The following ZNF235 variants were observed in gnomAD, a reference collection of about 807,000 sequenced individuals.
ZNF235 encodes the protein zfp-93.
Under a neutral mutation model 29.4 loss-of-function variants are expected in ZNF235, and 25 were observed. That is an observed-to-expected ratio of 0.85 (90% CI 0.62 to 1.19). The LOEUF (loss-of-function observed/expected upper bound fraction) is 1.19, where lower values mean the gene tolerates loss of function less well. Ranked by LOEUF, ZNF235 falls within the 50% of genes most tolerant of loss-of-function variation. The probability of loss-of-function intolerance (pLI) is 0.00; values close to 1 mark genes in which losing one functional copy is unlikely to be tolerated. For synonymous variants in ZNF235, 300 were observed against 295.3 expected, an observed-to-expected ratio of 1.02 and a Z score of -0.16; for missense variants, 788 against 885.0, an observed-to-expected ratio of 0.89 and a Z score of 1.39.
Position 44,304,483 on chromosome 19 carries a change from C to G in ZNF235, c.-49+488G>C, listed in dbSNP as rs145088849. On this transcript the variant is annotated intron_variant, in intron 1 of 4. Transcript: ENST00000291182. Reference sequence around the variant, plus strand: ...AGGATTAGAGAAGGGACAGCGGCTCCGTAGCTGGATCTCCTAGACTCAGAG... The same window carrying G: ...AGGATTAGAGAAGGGACAGCGGCTCGGTAGCTGGATCTCCTAGACTCAGAG... 6.1e-3 allele frequency among the ~76,000 whole-genome samples: 929 copies of G among 152,288 alleles called. 13 individuals are homozygous for G. The highest frequency in any genetic ancestry group is 0.021 in the African/African-American group (864 of 41,568).
At chr19:44,301,959 G>A (rs959255808) in intron 2 of ZNF235, among the ~76,000 whole-genome samples, 2 of 152,170 alleles carry the variant, frequency 1.3e-5, no homozygotes, top group Non-Finnish European at 2.9e-5. Context: ...AGTGCTATAA[G>A]ACTTTTAAAC....
At chr19:44,303,110 CT>C (rs1975777512) in intron 2 of ZNF235, among the ~76,000 whole-genome samples, 5 of 65,380 alleles carry the variant, frequency 7.6e-5, no homozygotes, top group Admixed American at 2.1e-4. Flanking sequence ...ACGTATATTT[CT>C]TATAAATATA....
intron 1 of ZNF235, among the ~76,000 whole-genome samples, chr19:44,304,112 TC>T (rs959595223): frequency 1.2e-4 from 19 of 152,176 alleles, no homozygotes; most frequent in Admixed American, 1.2e-3. Context: ...GGTTTTTTTT[TC>T]CTCCAACAGA....
intron 4 of ZNF235, among the ~76,000 whole-genome samples, chr19:44,295,038 C>T (rs1975635486): frequency 6.6e-6 from 1 of 152,066 alleles, no homozygotes; most frequent in Non-Finnish European, 1.5e-5. Flanking sequence ...ACAAGGATTG[C>T]CCACTTTCAC....
intron 2 of ZNF235, 111 bp from the exon 3 acceptor site, chr19:44,299,843 T>C: frequency 1.3e-6 from 2 of 1,556,950 alleles, no homozygotes; most frequent in Non-Finnish European, 1.8e-6. Context: ...ACACCAAAAA[T>C]GCTAGGGGGA....
chr19:44,299,708 C>A lies in ZNF235; in HGVS notation c.40G>T (p.Ala14Ser). 6.2e-7 allele frequency: 1 copy of A among 1,614,086 alleles called. No homozygotes were observed. The highest frequency in any genetic ancestry group is 8.5e-7 in the Non-Finnish European group (1 of 1,179,968). The change falls in exon 3 of 5, where the codon GCT becomes TCT. Residue 14 changes from alanine (A) to serine (S), a missense_variant. By Grantham distance (99) the Ala-to-Ser change is moderately conservative (BLOSUM62 1). Coordinates refer to ENST00000291182, the MANE Select transcript of ZNF235 (RefSeq NM_004234.4). ...FQEAVTFKDV[A>S]VAFTEEELGL... ...AGCTCCTCCTCAGTGAAGGCCACAGCCACATCCTTGAATGTCACTGCCTCC... is the reference window on the plus strand; with the variant it reads ...AGCTCCTCCTCAGTGAAGGCCACAGACACATCCTTGAATGTCACTGCCTCC...
chr19:44,304,756 C>G, intron 1 of ZNF235: 1 of 985,478 alleles, frequency 1.0e-6, no homozygotes, highest in Non-Finnish European at 1.2e-6. Context: ...GTGAGGACGG[C>G]TAGGGCAGCA....
At position 44,294,765 on chromosome 19, in the gene ZNF235, G is replaced by A. The variant is rs77624383; in HGVS notation, c.238+4043C>T. Among the ~76,000 whole-genome samples the A allele has an allele frequency of 8.7e-3, 1,321 of 151,256 alleles. 27 individuals are homozygous for A. The highest frequency in any genetic ancestry group is 0.031 in the African/African-American group (1,258 of 41,198). ...ATGATCGAGTGGGTTTTATTCCAAG[G>A]ATGCGAGAATGGTTCAACATACACA... On this transcript the variant is annotated intron_variant, in intron 4 of 4. Coordinates refer to ENST00000291182, the MANE Select transcript of ZNF235 (RefSeq NM_004234.4).
chr19:44,292,382 CT>C (rs900718748), intron 4 of ZNF235, among the ~76,000 whole-genome samples: 1 of 151,074 alleles, frequency 6.6e-6, no homozygotes, highest in Non-Finnish European at 1.5e-5. Flanking sequence ...AGATAGGTAT[CT>C]TTTTTTTAAA....
Position 44,294,955 on chromosome 19 carries a change from A to C in ZNF235, c.238+3853T>G, listed in dbSNP as rs1975634237. Among the ~76,000 whole-genome samples, 8 of 152,342 alleles carry C rather than the reference A, an allele frequency of 5.3e-5. No individual in the cohort carries two copies. In the South Asian group the frequency reaches 1.7e-3, roughly 32 times the overall value. ...AACATATTTCAAAATAATAAAAGCC[A>C]TATATGACAACCCATAGGTAACATA... On this transcript the variant is annotated intron_variant, in intron 4 of 4. Transcript: ENST00000291182.
At position 44,298,880 on chromosome 19, in the gene ZNF235, T is replaced by A. The variant is rs921957939; in HGVS notation, c.166A>T (p.Met56Leu). The A allele has an allele frequency of 6.2e-7, 1 of 1,613,860 alleles. No individual in the cohort carries two copies. The highest frequency in any genetic ancestry group is 8.5e-7 in the Non-Finnish European group (1 of 1,179,748). Residue 56 changes from methionine (M) to leucine (L), a missense_variant, in exon 4 of 5, where the codon ATG becomes TTG. Physicochemically the swap from Met to Leu is conservative, Grantham distance 15 (BLOSUM62 2). Coordinates refer to ENST00000291182, the MANE Select transcript of ZNF235 (RefSeq NM_004234.4). ...TCTTCCCTCTCCAACTGGGATATCA[T>A]ATCTGGTTTGAAGGACTGATGTCCT... ...SVGHQSFKPD[M>L]ISQLEREEKL...
Position 44,287,907 on chromosome 19 carries a change from T to C in ZNF235, c.1528A>G (p.Thr510Ala). The change falls in exon 5 of 5, where the codon ACA (threonine) becomes GCA (alanine). Residue 510 changes from threonine (T) to alanine (A), a missense_variant. Coordinates refer to ENST00000291182, the MANE Select transcript of ZNF235 (RefSeq NM_004234.4). The stretch of plus-strand genomic sequence containing the variant: ...TTGCATCGAAATGGTTTCTCTCCTG[T>C]ATGGACCCTCTGATGGCTCTGGAAA... ...SSFQSHQRVH[T>A]GEKPFRCNVC... is the part of the protein sequence containing the mutation. 1 of 1,614,046 alleles carries C rather than the reference T, an allele frequency of 6.2e-7. No homozygotes were observed. Among genetic ancestry groups the C allele is most frequent in the Middle Eastern group, 1.7e-4 (1 of 6,060 alleles).
At position 44,287,695 on chromosome 19, in the gene ZNF235, G is replaced by GA. The variant is rs776537327; in HGVS notation, c.1739dup (p.Ser581GlnfsTer22). 4 of 1,613,978 alleles carry GA rather than the reference G, an allele frequency of 2.5e-6. No individual in the cohort carries two copies. Among genetic ancestry groups the GA allele is most frequent in the Middle Eastern group, 3.3e-4 (2 of 6,058 alleles). ...GGGCTTGAAGATTTGAAGCCTGACT[G>GA]AAACCCTTACCACACTCTTCACATT... On this transcript the variant is annotated frameshift_variant, in exon 5 of 5. Transcript: ENST00000291182. LOFTEE classifies it high-confidence loss of function.
intron 1 of ZNF235, chr19:44,304,644 G>T: frequency 1.2e-6 from 1 of 806,146 alleles, no homozygotes; most frequent in Non-Finnish European, 1.5e-6. Context: ...CACTGGGAAC[G>T]CACTAACCCT....
chr19:44,289,262 A>G (rs902496762), intron 4 of ZNF235, 66 bp from the exon 5 acceptor site: 1 of 1,390,068 alleles, frequency 7.2e-7, no homozygotes, highest in African/African-American at 1.4e-5. Flanking sequence ...TAGAGAATTA[A>G]GATCTAAGCT....
In ZNF235 at chr19:44,288,903, T is replaced by C. The variant is rs1338573010; in HGVS notation, c.532A>G (p.Lys178Glu). 1 of 1,614,028 alleles carries C rather than the reference T, an allele frequency of 6.2e-7. No homozygotes were observed. Among genetic ancestry groups the C allele is most frequent in the Non-Finnish European group, 8.5e-7 (1 of 1,179,978 alleles). ...IIENQEFPTG[K>E]VPNSWSKIYL... ...ATTTTACTCCAAGAATTCGGAACTT[T>C]CCCAGTTGGAAATTCTTGATTTTCA... The change falls in exon 5 of 5, where the codon AAA (lysine) becomes GAA (glutamate). Residue 178 changes from lysine to glutamate, a missense_variant. By Grantham distance (56) the Lys-to-Glu change is moderately conservative. Coordinates refer to ENST00000291182, the MANE Select transcript of ZNF235 (RefSeq NM_004234.4).
Position 44,288,817 on chromosome 19 carries a change from T to G in ZNF235, c.618A>C (p.Lys206Asn). 6.2e-7 allele frequency: 1 copy of G among 1,612,916 alleles called. No individual in the cohort carries two copies. The highest frequency in any genetic ancestry group is 8.5e-7 in the Non-Finnish European group (1 of 1,179,230). The change falls in exon 5 of 5, where the codon AAA (lysine) becomes AAC (asparagine). Residue 206 changes from lysine (K) to asparagine (N), a missense_variant. By Grantham distance (94) the Lys-to-Asn change is moderately conservative (BLOSUM62 0). Transcript: ENST00000291182. ...RSCKQTQMKN[K>N]LCIFAPYVDI... ...CAACATATGGAGCAAATATACATAGTTTGTTTTTCATCTGAGTCTGCTTAC... is the reference window on the plus strand; with the variant it reads ...CAACATATGGAGCAAATATACATAGGTTGTTTTTCATCTGAGTCTGCTTAC...
rs1280692143 is a variant in ZNF235, at chr19:44,288,009, T to C, written c.1426A>G (p.Ser476Gly). The stretch of plus-strand genomic sequence containing the variant: ...TCTCCTGTGTGGACTCGTTGATGAC[T>C]ATGAAGATTAAAGCTCAAACTAAAG... The part of the protein sequence containing the change: ...KCFSLSFNLH[S>G]HQRVHTGEKP... Residue 476 changes from serine to glycine, a missense_variant, in exon 5 of 5, where the codon AGT becomes GGT. Ser to Gly is a moderately conservative substitution (Grantham distance 56). Coordinates refer to ENST00000291182, the MANE Select transcript of ZNF235 (RefSeq NM_004234.4). 1.2e-6 allele frequency: 2 copies of C among 1,614,062 alleles called. No individual in the cohort carries two copies. The highest frequency in any genetic ancestry group is 1.7e-5 in the Admixed American group (1 of 60,010).
In ZNF235 at chr19:44,304,965, A is replaced by C; in HGVS notation, c.-49+6T>G. 9.1e-6 allele frequency: 9 copies of C among 984,072 alleles called. No homozygotes were observed. Among genetic ancestry groups the C allele is most frequent in the Non-Finnish European group, 1.1e-5 (9 of 828,782 alleles). 61.0% of individuals were successfully genotyped at this position (984,072 alleles called of 1,614,324 possible). On this transcript the variant is annotated splice_donor_region_variant and intron_variant, in intron 1 of 4. Coordinates refer to ENST00000291182, the MANE Select transcript of ZNF235 (RefSeq NM_004234.4). The stretch of plus-strand genomic sequence containing the variant: ...GAGAAGTCTTGGAGACCCGGAGCTG[A>C]CTCACCTCCCTGGGAGATATCTCAG...
Sources: gnomAD v4.1 joint callset for allele counts (sites outside exome capture counted in the v4.1 genomes callset) on GRCh38, gnomAD v4.1.1 for gene constraint, MANE v1.5 for transcripts, NCBI Gene and HGNC (gene_info 2026-07-23, HGNC 2026-07-21) for gene names.